Variants in GPM6A observed in about 807,000 individuals in gnomAD.
GPM6A encodes glycoprotein M6A.
In GPM6A, 7 loss-of-function variants were observed where a neutral mutation model predicts 32.1. The ratio of observed to expected loss-of-function variants is 0.22; its 90% confidence interval spans 0.12 to 0.41. GPM6A has a LOEUF of 0.41. Among genes scored for constraint, GPM6A ranks in the 10% least tolerant of loss-of-function variants. GPM6A has a pLI of 1.00. For synonymous variants in GPM6A, 130 were observed against 123.4 expected, an observed-to-expected ratio of 1.05 and a Z score of -0.35; for missense variants, 235 against 347.2, an observed-to-expected ratio of 0.68 and a Z score of 2.57.
intron 1 of GPM6A, among the ~76,000 whole-genome samples, chr4:175,858,221 G>A (rs755400242): frequency 1.3e-4 from 20 of 152,172 alleles, no homozygotes; most frequent in African/African-American, 2.9e-4. Context: ...ATGTGACATC[G>A]CTACACACTT....
intron 1 of GPM6A, among the ~76,000 whole-genome samples, chr4:175,777,586 A>T (rs1264875088): frequency 6.6e-6 from 1 of 152,118 alleles, no homozygotes; most frequent in Non-Finnish European, 1.5e-5. Flanking sequence ...TGTTATATCT[A>T]CTTATAAGAT....
At chr4:175,657,662 C>T (rs548676077) in intron 3 of GPM6A, among the ~76,000 whole-genome samples, 22 of 152,174 alleles carry the variant, frequency 1.4e-4, no homozygotes, top group South Asian at 1.0e-3. Context: ...TATCTAAATC[C>T]GAGTGTCTCG....
chr4:175,659,349 G>T (rs1742270288), intron 3 of GPM6A, among the ~76,000 whole-genome samples: 1 of 151,838 alleles, frequency 6.6e-6, no homozygotes, highest in South Asian at 2.1e-4. Flanking sequence ...AAAAGTTCTG[G>T]GATTACAGGA....
intron 1 of GPM6A, among the ~76,000 whole-genome samples, chr4:175,834,475 C>T (rs2111373355): frequency 6.6e-6 from 1 of 152,284 alleles, no homozygotes; most frequent in East Asian, 1.9e-4. Context: ...GCATCTCTGA[C>T]CTTCACAGAC....
intron 1 of GPM6A, among the ~76,000 whole-genome samples, chr4:175,956,713 T>C (rs1294429311): frequency 6.6e-6 from 1 of 151,000 alleles, no homozygotes; most frequent in African/African-American, 2.5e-5. Flanking sequence ...TTCTAATTTG[T>C]AAATTTTTAA....
At chr4:175,773,148 A>T (rs1447501535) in intron 1 of GPM6A, among the ~76,000 whole-genome samples, 1 of 152,252 alleles carries the variant, frequency 6.6e-6, no homozygotes, top group Non-Finnish European at 1.5e-5. Context: ...CCTAATGTTG[A>T]CAGGCTGCAG....
chr4:175,722,074 T>C (rs1336519688), intron 1 of GPM6A, among the ~76,000 whole-genome samples: 2 of 151,916 alleles, frequency 1.3e-5, no homozygotes, highest in South Asian at 4.1e-4. Flanking sequence ...ATTGCTTGAG[T>C]CCAGGAGTTT....
chr4:175,883,190 C>T (rs1268879141), intron 1 of GPM6A, among the ~76,000 whole-genome samples: 1 of 151,882 alleles, frequency 6.6e-6, no homozygotes, highest in Non-Finnish European at 1.5e-5. Context: ...GTAATTAACC[C>T]AATTTGCTTT....
chr4:175,704,345 G>A (rs981273565), intron 1 of GPM6A, among the ~76,000 whole-genome samples: 7 of 151,342 alleles, frequency 4.6e-5, no homozygotes, highest in Non-Finnish European at 8.8e-5. Flanking sequence ...ACACGTGCAC[G>A]TGTGCACGCC....
At chr4:175,889,178 T>A (rs1560981089) in intron 1 of GPM6A, among the ~76,000 whole-genome samples, 1 of 152,128 alleles carries the variant, frequency 6.6e-6, no homozygotes, top group Non-Finnish European at 1.5e-5. Flanking sequence ...AAATAAAACT[T>A]TATAACTTTT....
chr4:175,726,853 G>T (rs115778316), intron 1 of GPM6A, among the ~76,000 whole-genome samples: 4 of 152,104 alleles, frequency 2.6e-5, no homozygotes, highest in African/African-American at 9.6e-5. Context: ...AAAATTAGCC[G>T]GGTGTGTTGA....
At chr4:175,829,318 G>C (rs921713722) in intron 1 of GPM6A, among the ~76,000 whole-genome samples, 1 of 152,076 alleles carries the variant, frequency 6.6e-6, no homozygotes, top group Non-Finnish European at 1.5e-5. Context: ...ATCAAGACAG[G>C]GGGAAAGTTT....
intron 1 of GPM6A, among the ~76,000 whole-genome samples, chr4:175,945,860 AT>A (rs1248721132): frequency 6.6e-6 from 1 of 152,014 alleles, no homozygotes; most frequent in Non-Finnish European, 1.5e-5. Flanking sequence ...ACGGGTGCAT[AT>A]TACGTACAAC....
intron 1 of GPM6A, among the ~76,000 whole-genome samples, chr4:175,736,497 A>G (rs1281148010): frequency 6.6e-6 from 1 of 152,200 alleles, no homozygotes; most frequent in Non-Finnish European, 1.5e-5. Context: ...TTTTCTTTAA[A>G]AAAATTTGAA....
At chr4:175,862,026 T>C (rs1296632637) in intron 1 of GPM6A, among the ~76,000 whole-genome samples, 4 of 152,224 alleles carry the variant, frequency 2.6e-5, no homozygotes, top group East Asian at 3.8e-4. Flanking sequence ...AGCGTGTACA[T>C]TAATTCAAGG....
intron 3 of GPM6A, among the ~76,000 whole-genome samples, chr4:175,658,311 A>AC (rs1742202536): frequency 1.3e-5 from 2 of 151,844 alleles, no homozygotes; most frequent in African/African-American, 4.8e-5. Context: ...AAAAAAAAAA[A>AC]CAATCTGAAA....
chr4:175,870,203 C>T lies in GPM6A; in HGVS notation c.-22-57954G>A, dbSNP rs543769860. 7.2e-5 allele frequency among the ~76,000 whole-genome samples: 11 copies of T among 152,288 alleles called. No individual in the cohort carries two copies. The East Asian group carries it at 2.1e-3, about 29-fold the overall frequency. ...GTTTCCTTGAGCCAGAATACAGCAT[C>T]TAAACTTCACTTTAAAATACAAGAT... On this transcript the variant is annotated intron_variant, in intron 1 of 7. Transcript: ENST00000280187.
chr4:175,824,561 C>T (rs1321909889), intron 1 of GPM6A, among the ~76,000 whole-genome samples: 1 of 152,026 alleles, frequency 6.6e-6, no homozygotes, highest in Non-Finnish European at 1.5e-5. Flanking sequence ...TTCAGTATGT[C>T]TGATATCCAT....
intron 1 of GPM6A, among the ~76,000 whole-genome samples, chr4:175,899,295 A>G (rs925498693): frequency 3.9e-5 from 6 of 152,180 alleles, no homozygotes; most frequent in Admixed American, 3.3e-4. Flanking sequence ...ACAATTAAAT[A>G]GTACAAAACA....
Sources: allele counts gnomAD v4.1 joint callset (sites outside exome capture counted in the v4.1 genomes callset), GRCh38; gene constraint gnomAD v4.1.1; transcripts MANE v1.5; gene names NCBI Gene and HGNC (gene_info 2026-07-23, HGNC 2026-07-21).